Variants in PLA2G4A observed in about 807,000 individuals in gnomAD.
PLA2G4A encodes phospholipase A2 group IVA.
Under a neutral mutation model 81.9 loss-of-function variants are expected in PLA2G4A, and 40 were observed. That is an observed-to-expected ratio of 0.49 (90% CI 0.38 to 0.64). The LOEUF is 0.64. PLA2G4A is among the 30% of genes least tolerant of loss of function. The pLI, the probability that PLA2G4A is intolerant of heterozygous loss-of-function variation, is 0.00. For synonymous variants in PLA2G4A, 302 were observed against 296.9 expected (o/e 1.02, Z -0.18); for missense variants, 715 against 905.1 (o/e 0.79, Z 2.69).
At chr1:186,844,856 C>T (rs548654950) in intron 1 of PLA2G4A, among the ~76,000 whole-genome samples, 31 of 152,262 alleles carry the variant, frequency 2.0e-4, no homozygotes, top group African/African-American at 7.5e-4. Flanking sequence ...AATTTGCCTA[C>T]TTGAATTTCT....
At chr1:186,846,386 A>C (rs1211903594) in intron 1 of PLA2G4A, among the ~76,000 whole-genome samples, 1 of 152,202 alleles carries the variant, frequency 6.6e-6, no homozygotes, top group Non-Finnish European at 1.5e-5. Context: ...CTGTGGAATA[A>C]AATTTATAAA....
At chr1:186,918,554 C>A (rs1325194669) in intron 7 of PLA2G4A, among the ~76,000 whole-genome samples, 2 of 152,178 alleles carry the variant, frequency 1.3e-5, no homozygotes, top group Non-Finnish European at 2.9e-5. Flanking sequence ...GTTACCACCG[C>A]ATATCCTGCA....
chr1:186,969,553 C>T lies in PLA2G4A; in HGVS notation c.1764+3960C>T, dbSNP rs1259093357. 2.0e-5 allele frequency among the ~76,000 whole-genome samples: 3 copies of T among 151,974 alleles called. No individual in the cohort carries two copies. The East Asian group carries it at 5.8e-4, about 29-fold the overall frequency. The stretch of plus-strand genomic sequence containing the variant: ...CCAATTTTCCATTCACTCTTTATTT[C>T]CCCTTTCCACTAGCCTTCCCAGCAG... On this transcript the variant is annotated intron_variant, in intron 15 of 17. Transcript: ENST00000367466.
At chr1:186,932,137 A>C (rs576123802) in intron 7 of PLA2G4A, among the ~76,000 whole-genome samples, 1 of 152,164 alleles carries the variant, frequency 6.6e-6, no homozygotes, top group African/African-American at 2.4e-5. Flanking sequence ...AAATAAGACA[A>C]TGTCCCTGAA....
chr1:186,939,651 T>C (rs1456447667), intron 9 of PLA2G4A, among the ~76,000 whole-genome samples: 1 of 152,166 alleles, frequency 6.6e-6, no homozygotes, highest in Non-Finnish European at 1.5e-5. Flanking sequence ...CATGATTGCA[T>C]TGATGTTTCG....
chr1:186,918,915 T>C (rs1655244673), intron 7 of PLA2G4A, among the ~76,000 whole-genome samples: 1 of 152,256 alleles, frequency 6.6e-6, no homozygotes, highest in African/African-American at 2.4e-5. Context: ...CTGCTTCTTG[T>C]GCTAACAGGG....
At chr1:186,878,890 C>G (rs1342860957) in intron 3 of PLA2G4A, among the ~76,000 whole-genome samples, 1 of 151,782 alleles carries the variant, frequency 6.6e-6, no homozygotes, top group Non-Finnish European at 1.5e-5. Flanking sequence ...TAAACAGAGA[C>G]TAAATGTTTC....
At chr1:186,879,525 G>C (rs1027268439) in intron 3 of PLA2G4A, among the ~76,000 whole-genome samples, 2 of 151,850 alleles carry the variant, frequency 1.3e-5, no homozygotes, top group African/African-American at 4.8e-5. Flanking sequence ...AAACTGTCTT[G>C]CTTGGGTTCA....
intron 7 of PLA2G4A, among the ~76,000 whole-genome samples, chr1:186,917,743 G>GT (rs1339774241): frequency 6.6e-6 from 1 of 152,184 alleles, no homozygotes; most frequent in Non-Finnish European, 1.5e-5. Context: ...GTAAGTACAC[G>GT]TAAGAACCAG....
At chr1:186,919,901 A>G (rs905477989) in intron 7 of PLA2G4A, among the ~76,000 whole-genome samples, 1 of 152,122 alleles carries the variant, frequency 6.6e-6, no homozygotes, top group African/African-American at 2.4e-5. Flanking sequence ...GGGGTGTTCC[A>G]TGGAGACTGG....
intron 14 of PLA2G4A, among the ~76,000 whole-genome samples, chr1:186,963,410 A>G (rs1657026877): frequency 1.3e-5 from 2 of 152,186 alleles, no homozygotes; most frequent in Non-Finnish European, 2.9e-5. Context: ...CTGTTTGTAA[A>G]TACTTATTAA....
chr1:186,859,770 T>C (rs537013496), intron 2 of PLA2G4A, among the ~76,000 whole-genome samples: 56 of 152,296 alleles, frequency 3.7e-4, no homozygotes, highest in Middle Eastern at 3.4e-3. Context: ...GTAGGAGTTC[T>C]AGTCTTAACC....
intron 1 of PLA2G4A, among the ~76,000 whole-genome samples, chr1:186,848,046 A>G (rs75740100): frequency 0.051 from 7,781 of 152,212 alleles, 654 homozygotes; most frequent in African/African-American, 0.18. Context: ...TTTGCCTGGT[A>G]ACATGAAAGA....
At chr1:186,906,678 G>A (rs1654748648) in intron 5 of PLA2G4A, among the ~76,000 whole-genome samples, 1 of 152,118 alleles carries the variant, frequency 6.6e-6, no homozygotes, top group African/African-American at 2.4e-5. Context: ...AGTAGTTGTG[G>A]TGAGCTACTT....
At chr1:186,854,702 A>C (rs903363000) in intron 2 of PLA2G4A, among the ~76,000 whole-genome samples, 1 of 151,950 alleles carries the variant, frequency 6.6e-6, no homozygotes, top group Admixed American at 6.6e-5. Context: ...CACCCTTCAC[A>C]TGAGTTGGTG....
chr1:186,899,424 A>G (rs1654459591), intron 5 of PLA2G4A, among the ~76,000 whole-genome samples: 2 of 152,084 alleles, frequency 1.3e-5, no homozygotes, highest in Non-Finnish European at 2.9e-5. Context: ...GTCCTTAAAG[A>G]AAGGGTGTGG....
chr1:186,973,226 C>T (rs1000637690), intron 15 of PLA2G4A, among the ~76,000 whole-genome samples: 4 of 152,222 alleles, frequency 2.6e-5, no homozygotes, highest in Admixed American at 2.6e-4. Flanking sequence ...CTCTCTAAAG[C>T]CTCCACAGTA....
At chr1:186,860,686 T>G (rs1032571389) in intron 2 of PLA2G4A, among the ~76,000 whole-genome samples, 3 of 152,200 alleles carry the variant, frequency 2.0e-5, no homozygotes, top group Non-Finnish European at 2.9e-5. Context: ...ACTTCTAACT[T>G]TTCCTTGATA....
chr1:186,863,908 C>T (rs1254292118), intron 2 of PLA2G4A, among the ~76,000 whole-genome samples: 1 of 151,864 alleles, frequency 6.6e-6, no homozygotes, highest in East Asian at 1.9e-4. Context: ...TTACAGGTGC[C>T]TGCCACCACG....
Sources: allele counts gnomAD v4.1 joint callset (sites outside exome capture counted in the v4.1 genomes callset), GRCh38; gene constraint gnomAD v4.1.1; transcripts MANE v1.5; gene names NCBI Gene and HGNC (gene_info 2026-07-23, HGNC 2026-07-21).